Variants in TTC1 observed in about 807,000 individuals in gnomAD.
TTC1 encodes the protein tetratricopeptide repeat domain 1, also known as tetratricopeptide repeat protein 1.
TTC1 carries 31 observed loss-of-function variants against 37.6 expected under a neutral mutation model. The observed-to-expected ratio is 0.82, with a 90% CI of 0.62 to 1.11. TTC1 has a LOEUF of 1.11. Ranked by LOEUF, TTC1 falls within the 50% of genes most tolerant of loss-of-function variation. TTC1 has a pLI of 0.00. For synonymous variants in TTC1, 127 were observed against 122.4 expected (o/e 1.04, Z -0.25); for missense variants, 351 against 339.0 (o/e 1.04, Z -0.28).
At chr5:160,042,415 A>G (rs975417876) in intron 4 of TTC1, among the ~76,000 whole-genome samples, 1 of 152,232 alleles carries the variant, frequency 6.6e-6, no homozygotes, top group African/African-American at 2.4e-5. Context: ...CCTGCAAGAC[A>G]TCTTATATAA....
At chr5:160,047,683 C>T (rs1757287920) in intron 5 of TTC1, among the ~76,000 whole-genome samples, 1 of 152,106 alleles carries the variant, frequency 6.6e-6, no homozygotes, top group Non-Finnish European at 1.5e-5. Flanking sequence ...CAGGAAGGTC[C>T]TCCATGGCCC....
intron 7 of TTC1, among the ~76,000 whole-genome samples, chr5:160,051,723 C>T (rs1225381284): frequency 6.6e-6 from 1 of 152,128 alleles, no homozygotes; most frequent in Non-Finnish European, 1.5e-5. Flanking sequence ...AGTTATTTCT[C>T]ATATTTGCCA....
chr5:160,063,889 G>C (rs1753511270), intron 7 of TTC1, among the ~76,000 whole-genome samples: 1 of 151,214 alleles, frequency 6.6e-6, no homozygotes, highest in East Asian at 1.9e-4. Context: ...CCCTCCTCTT[G>C]CCTCAGCTTC....
chr5:160,062,667 T>A (rs1051827740), intron 7 of TTC1, among the ~76,000 whole-genome samples: 1 of 152,082 alleles, frequency 6.6e-6, no homozygotes, highest in Non-Finnish European at 1.5e-5. Flanking sequence ...CCATCCAGAG[T>A]AGGCTTCTCC....
chr5:160,023,812 A>G, intron 2 of TTC1: 1 of 1,613,572 alleles, frequency 6.2e-7, no homozygotes, highest in Non-Finnish European at 8.5e-7. Context: ...TGCCTGTATC[A>G]TTCTCAGAGT....
chr5:160,030,169 A>G (rs748197081), intron 2 of TTC1, among the ~76,000 whole-genome samples: 16 of 152,176 alleles, frequency 1.1e-4, no homozygotes, highest in Non-Finnish European at 2.4e-4. Flanking sequence ...CCCAGGGAGG[A>G]GCTGTGGTTT....
intron 5 of TTC1, among the ~76,000 whole-genome samples, chr5:160,044,894 G>C (rs572513058): frequency 6.6e-6 from 1 of 152,072 alleles, no homozygotes; most frequent in Non-Finnish European, 1.5e-5. Context: ...AATTAATTTG[G>C]TGCCCTCTCT....
chr5:160,029,546 G>A (rs1581099374), intron 2 of TTC1, among the ~76,000 whole-genome samples: 1 of 151,920 alleles, frequency 6.6e-6, no homozygotes. Flanking sequence ...TACTGGGGAA[G>A]CTGAGGTGGG....
Position 160,010,496 on chromosome 5 carries a change from C to A in TTC1, c.-29-4C>A. ...TATAGCAGTTTTGTTTTGTTTTCCC[C>A]CAGCTTTAGCGTCACCTCCCTCACT... On this transcript the variant is annotated splice_region_variant and splice_polypyrimidine_tract_variant and intron_variant, in intron 1 of 7. Coordinates refer to ENST00000231238, the MANE Select transcript of TTC1 (RefSeq NM_003314.3). 6.3e-7 allele frequency: 1 copy of A among 1,581,364 alleles called. No individual in the cohort carries two copies. Among genetic ancestry groups the A allele is most frequent in the Non-Finnish European group, 8.6e-7 (1 of 1,159,988 alleles).
In TTC1 at chr5:160,051,190, T is replaced by G; in HGVS notation, c.745+7T>G. 1 of 1,607,638 alleles carries G rather than the reference T, an allele frequency of 6.2e-7. No homozygotes were observed. Among genetic ancestry groups the G allele is most frequent in the South Asian group, 1.1e-5 (1 of 90,356 alleles). On this transcript the variant is annotated splice_region_variant and intron_variant, in intron 7 of 7. Coordinates refer to ENST00000231238, the MANE Select transcript of TTC1 (RefSeq NM_003314.3). ...CTAAAAGAAGAGATGTTAGGTAAGCTTACTTCTTACTTTGCTTGATCATAA... is the reference window on the plus strand; with the variant it reads ...CTAAAAGAAGAGATGTTAGGTAAGCGTACTTCTTACTTTGCTTGATCATAA...
chr5:160,028,152 G>A (rs1236912560), intron 2 of TTC1, among the ~76,000 whole-genome samples: 1 of 151,916 alleles, frequency 6.6e-6, no homozygotes, highest in African/African-American at 2.4e-5. Context: ...ACAAAAAATT[G>A]GCCTGGTGTG....
At chr5:160,053,024 A>AC (rs1417589053) in intron 7 of TTC1, among the ~76,000 whole-genome samples, 1 of 152,154 alleles carries the variant, frequency 6.6e-6, no homozygotes, top group Admixed American at 6.5e-5. Flanking sequence ...TCTAGGTGTT[A>AC]CCCCACAATA....
At chr5:160,039,807 T>G (rs1181951739) in intron 4 of TTC1, among the ~76,000 whole-genome samples, 1 of 152,224 alleles carries the variant, frequency 6.6e-6, no homozygotes, top group African/African-American at 2.4e-5. Flanking sequence ...CTTACAGGAC[T>G]TCTTAGAGTT....
Position 160,023,294 on chromosome 5 carries a change from C to CT in TTC1, c.331-11832dup, listed in dbSNP as rs774203414. On this transcript the variant is annotated intron_variant, in intron 2 of 7. Transcript: ENST00000231238. ...AAATTAGGCAAAATTGGTTTTCTTT[C>CT]TTTTTTTTTTTTTTGGAAATAGAGT... is the stretch of plus-strand genomic sequence containing the variant. Among the ~76,000 whole-genome samples the CT allele has an allele frequency of 9.8e-3, 1,293 of 132,354 alleles. 15 individuals carry two copies. Among genetic ancestry groups the CT allele is most frequent in the African/African-American group, 0.029 (1,076 of 36,702 alleles). The allele number at this position is 132,354 out of a possible 152,430, so 86.8% of individuals were successfully genotyped here. A position where few individuals can be genotyped will look rare whatever the true frequency, so the allele number is the denominator to read the frequency against.
chr5:160,035,563 C>G (rs1756986694), intron 3 of TTC1, among the ~76,000 whole-genome samples: 1 of 152,244 alleles, frequency 6.6e-6, no homozygotes, highest in African/African-American at 2.4e-5. Context: ...TGCTGTGGGG[C>G]TGTGAAAGCA....
At chr5:160,040,026 T>C (rs1045026120) in intron 4 of TTC1, among the ~76,000 whole-genome samples, 1 of 152,194 alleles carries the variant, frequency 6.6e-6, no homozygotes, top group Non-Finnish European at 1.5e-5. Context: ...GCAAACATCA[T>C]AGAGTATACT....
Position 160,065,500 on chromosome 5 carries a change from C to CATTTCCTG in TTC1, c.*443_*450dup. 2.3e-6 allele frequency: 1 copy of CATTTCCTG among 431,544 alleles called. No individual in the cohort carries two copies. Among genetic ancestry groups the CATTTCCTG allele is most frequent in the South Asian group, 1.7e-5 (1 of 60,382 alleles). The allele number at this position is 431,544 out of a possible 1,614,324, so 26.7% of individuals were successfully genotyped here. ...ACACAGCTAACGAGGCTGCCTCCAG[C>CATTTCCTG]ATTTCCTGATTTCCTCTGTGGTAAT... On this transcript the variant is annotated 3_prime_UTR_variant, in exon 8 of 8. Coordinates refer to ENST00000231238, the MANE Select transcript of TTC1 (RefSeq NM_003314.3).
intron 7 of TTC1, among the ~76,000 whole-genome samples, chr5:160,060,910 T>C (rs189337111): frequency 1.5e-3 from 225 of 152,348 alleles, no homozygotes; most frequent in African/African-American, 5.3e-3. Context: ...ATTTTAATGT[T>C]TGTTCAGTGA....
At chr5:160,045,520 A>ACACACACACACACACACT (rs1202139318) in intron 5 of TTC1, among the ~76,000 whole-genome samples, 1 of 54,884 alleles carries the variant, frequency 1.8e-5, no homozygotes. Flanking sequence ...ACACATACAC[A>ACACACACACACACACACT]CTCTCTCTCT....
Sources: allele counts gnomAD v4.1 joint callset (sites outside exome capture counted in the v4.1 genomes callset), GRCh38; gene constraint gnomAD v4.1.1; transcripts MANE v1.5; gene names NCBI Gene and HGNC (gene_info 2026-07-23, HGNC 2026-07-21).